The following KSR2 variants were observed in gnomAD, a reference collection of about 807,000 sequenced individuals.
KSR2 encodes kinase suppressor of ras 2.
In KSR2, 25 loss-of-function variants were observed where a neutral mutation model predicts 107.8. The observed-to-expected ratio is 0.23, with a 90% CI of 0.17 to 0.32. KSR2 has a LOEUF of 0.32. Ranked by LOEUF, KSR2 falls within the 10% of genes least tolerant of loss-of-function variation. The pLI is 1.00. For synonymous variants in KSR2, 480 were observed against 507.0 expected (o/e 0.95, Z 0.71); for missense variants, 887 against 1,268.9 (o/e 0.70, Z 4.57).
At chr12:117,585,093 C>T (rs78397659) in intron 5 of KSR2, among the ~76,000 whole-genome samples, 1,965 of 152,222 alleles carry the variant, frequency 0.013, 43 homozygotes, top group African/African-American at 0.045. Flanking sequence ...TTACCAGCAT[C>T]TGGTGGGGAG....
chr12:117,879,491 A>T (rs1449017138), intron 1 of KSR2, among the ~76,000 whole-genome samples: 1 of 152,266 alleles, frequency 6.6e-6, no homozygotes, highest in Non-Finnish European at 1.5e-5. Context: ...CAACAATTAA[A>T]GAGTAGTTTT....
intron 1 of KSR2, among the ~76,000 whole-genome samples, chr12:117,960,136 C>T (rs1019970379): frequency 1.3e-5 from 2 of 152,056 alleles, no homozygotes; most frequent in African/African-American, 2.4e-5. Context: ...CTCTGCCTGG[C>T]ACACTCTTCC....
At chr12:117,898,631 T>TA (rs200037408) in intron 1 of KSR2, among the ~76,000 whole-genome samples, 1 of 151,460 alleles carries the variant, frequency 6.6e-6, no homozygotes, top group African/African-American at 2.4e-5. Flanking sequence ...TTTTTAACTT[T>TA]AAAAAAAAAT....
chr12:117,456,231 T>C lies in KSR2; in HGVS notation c.*10968A>G, dbSNP rs1219033610. The C allele has an allele frequency of 1.3e-5, 2 of 152,118 alleles. No homozygotes were observed. The highest frequency in any genetic ancestry group is 2.9e-5 in the Non-Finnish European group (2 of 68,056). 9.4% of individuals were successfully genotyped at this position (152,118 alleles called of 1,614,324 possible). On this transcript the variant is annotated 3_prime_UTR_variant, in exon 20 of 20. Transcript: ENST00000339824. ...GACAGCCCCTCCCTTAATGCTCCAG[T>C]CGAGCCAGGACTGTCCAGATAGCTT...
At chr12:117,606,488 C>T (rs1881260737) in intron 5 of KSR2, among the ~76,000 whole-genome samples, 1 of 63,830 alleles carries the variant, frequency 1.6e-5, no homozygotes, top group African/African-American at 4.7e-5. Context: ...TCCTCTCCTT[C>T]CTTCCTCCAT....
intron 3 of KSR2, among the ~76,000 whole-genome samples, chr12:117,797,171 A>C (rs1261722240): frequency 1.3e-5 from 2 of 152,196 alleles, no homozygotes; most frequent in Admixed American, 6.5e-5. Flanking sequence ...GCTCAAACAA[A>C]TCTTGGTATG....
intron 1 of KSR2, among the ~76,000 whole-genome samples, chr12:117,949,539 A>C (rs1469420411): frequency 6.6e-6 from 1 of 152,214 alleles, no homozygotes; most frequent in East Asian, 1.9e-4. Context: ...GGAAGCATGA[A>C]AGAAATTTTG....
chr12:117,667,438 C>A (rs1419203974), intron 5 of KSR2, 36 bp downstream of exon 5: 8 of 1,585,850 alleles, frequency 5.0e-6, no homozygotes, highest in Non-Finnish European at 6.0e-6. Flanking sequence ...GGTGGCATGG[C>A]AAGCGTTCCC....
chr12:117,592,953 T>C (rs1420746534), intron 5 of KSR2, among the ~76,000 whole-genome samples: 1 of 152,184 alleles, frequency 6.6e-6, no homozygotes, highest in East Asian at 1.9e-4. Flanking sequence ...AAAACTTATC[T>C]TTCTTCCCTT....
chr12:117,925,026 A>C (rs1023832197), intron 1 of KSR2, among the ~76,000 whole-genome samples: 5 of 152,166 alleles, frequency 3.3e-5, no homozygotes, highest in Non-Finnish European at 7.3e-5. Context: ...CCACACACAC[A>C]CAAGTAGGAC....
At chr12:117,876,017 G>A (rs1311481795) in intron 1 of KSR2, among the ~76,000 whole-genome samples, 2 of 152,134 alleles carry the variant, frequency 1.3e-5, no homozygotes, top group Non-Finnish European at 2.9e-5. Context: ...TTAAACGCCA[G>A]GCCACTAAAA....
At chr12:117,639,018 G>A (rs1418460314) in intron 5 of KSR2, among the ~76,000 whole-genome samples, 1 of 152,066 alleles carries the variant, frequency 6.6e-6, no homozygotes. Context: ...CTGCTTCACA[G>A]GCCACACCCT....
intron 4 of KSR2, among the ~76,000 whole-genome samples, chr12:117,751,775 G>A (rs78621461): frequency 6.6e-6 from 1 of 152,136 alleles, no homozygotes; most frequent in Non-Finnish European, 1.5e-5. Context: ...AATGGCCCCT[G>A]AGGATCCACA....
At chr12:117,812,964 A>G (rs1891249632) in intron 3 of KSR2, among the ~76,000 whole-genome samples, 1 of 152,142 alleles carries the variant, frequency 6.6e-6, no homozygotes, top group African/African-American at 2.4e-5. Context: ...GTACAGGCAT[A>G]CAAACAGACA....
At position 117,896,160 on chromosome 12, in the gene KSR2, G is replaced by A. The variant is rs757762826; in HGVS notation, c.181-35729C>T. Among the ~76,000 whole-genome samples the A allele has an allele frequency of 2.6e-5, 4 of 152,178 alleles. No individual in the cohort carries two copies. The South Asian group carries it at 8.3e-4, about 32-fold the overall frequency. Reference sequence around the variant, plus strand: ...CAAATGAATGGATAAATAAAATGTGGCAGAGCCACACAATGAAATATTATT... The same window carrying A: ...CAAATGAATGGATAAATAAAATGTGACAGAGCCACACAATGAAATATTATT... On this transcript the variant is annotated intron_variant, in intron 1 of 19. Transcript: ENST00000339824.
chr12:117,551,140 G>A (rs1877275217), intron 9 of KSR2, among the ~76,000 whole-genome samples: 1 of 152,190 alleles, frequency 6.6e-6, no homozygotes, highest in East Asian at 1.9e-4. Context: ...TACAAGGGTT[G>A]TAGCTTGGTC....
intron 10 of KSR2, among the ~76,000 whole-genome samples, chr12:117,535,738 T>C (rs1025753725): frequency 6.6e-6 from 1 of 151,794 alleles, no homozygotes; most frequent in Non-Finnish European, 1.5e-5. Flanking sequence ...CAGAAACCCA[T>C]AAGACAATCA....
chr12:117,667,566 A>G lies in KSR2; in HGVS notation c.1079T>C (p.Leu360Pro). 1 of 1,613,340 alleles carries G rather than the reference A, an allele frequency of 6.2e-7. No individual in the cohort carries two copies. The highest frequency in any genetic ancestry group is 2.2e-5 in the East Asian group (1 of 44,866). The change falls in exon 5 of 20, where the codon CTG (leucine) becomes CCG (proline). Residue 360 changes from leucine (L) to proline (P), a missense_variant. By Grantham distance (98) the Leu-to-Pro change is moderately conservative. Transcript: ENST00000339824. ...GAAGGAGCGGAGGGAGCGCTCGGACAGCAGCGGGGAGCGCTGCTGAGAGGG... is the reference window on the plus strand; with the variant it reads ...GAAGGAGCGGAGGGAGCGCTCGGACGGCAGCGGGGAGCGCTGCTGAGAGGG... ...NIPSQQRSPL[L>P]SERSLRSFFV...
intron 14 of KSR2, among the ~76,000 whole-genome samples, chr12:117,523,224 AC>A (rs1250672987): frequency 6.6e-6 from 1 of 152,208 alleles, no homozygotes; most frequent in African/African-American, 2.4e-5. Flanking sequence ...GTTTTGTCTC[AC>A]AAGGGAAGAG....
Sources: gnomAD v4.1 joint callset for allele counts (sites outside exome capture counted in the v4.1 genomes callset) on GRCh38, gnomAD v4.1.1 for gene constraint, MANE v1.5 for transcripts, NCBI Gene and HGNC (gene_info 2026-07-23, HGNC 2026-07-21) for gene names.